The following MYT1L variants were observed in gnomAD, a reference collection of about 807,000 sequenced individuals.
The protein encoded by MYT1L is myelin transcription factor 1-like protein.
Under a neutral mutation model 126.7 loss-of-function variants are expected in MYT1L, and 12 were observed. That is an observed-to-expected ratio of 0.09 (90% CI 0.06 to 0.15). MYT1L has a LOEUF of 0.15. Among genes scored for constraint, MYT1L ranks in the 10% least tolerant of loss-of-function variants. The pLI is 1.00. For missense variants in MYT1L, 979 were observed against 1,585.2 expected, an observed-to-expected ratio of 0.62 and a Z score of 6.49; for synonymous variants, 541 against 604.2, an observed-to-expected ratio of 0.90 and a Z score of 1.53.
At position 1,831,238 on chromosome 2, in the gene MYT1L, T is replaced by C. The variant is rs576239214; in HGVS notation, c.3080+7911A>G. Among the ~76,000 whole-genome samples the C allele has an allele frequency of 4.5e-3, 652 of 145,178 alleles. 1 individual carries two copies. Among genetic ancestry groups the C allele is most frequent in the Middle Eastern group, 6.8e-3 (2 of 292 alleles). On this transcript the variant is annotated intron_variant, in intron 21 of 24. Coordinates refer to ENST00000647738, the MANE Select transcript of MYT1L (RefSeq NM_001303052.2). The stretch of plus-strand genomic sequence containing the variant: ...GCTCCCCCCAGATGGAGCTCTGCTC[T>C]GAGGACCCCCAGCTCCCCAGTGCAG...
At position 2,085,759 on chromosome 2, in the gene MYT1L, C is replaced by T. The variant is rs1433375352; in HGVS notation, c.-303-31636G>A. Among the ~76,000 whole-genome samples the T allele has an allele frequency of 3.3e-5, 5 of 152,186 alleles. No homozygotes were observed. In the East Asian group the frequency reaches 5.8e-4, roughly 18 times the overall value. ...TTTATGCCCTAGCTGGAGCCCAGAT[C>T]GTAAGATGCTGAAGCAGCTTGGCTT... On this transcript the variant is annotated intron_variant, in intron 3 of 24. Transcript: ENST00000647738.
intron 4 of MYT1L, among the ~76,000 whole-genome samples, chr2:2,022,324 C>G (rs934042701): frequency 5.9e-5 from 9 of 152,220 alleles, no homozygotes; most frequent in Non-Finnish European, 1.0e-4. Flanking sequence ...AGTGGTCTGA[C>G]AAGCTACAGT....
chr2:2,053,016 C>T (rs1306596503), intron 4 of MYT1L, among the ~76,000 whole-genome samples: 1 of 152,154 alleles, frequency 6.6e-6, no homozygotes, highest in Admixed American at 6.5e-5. Context: ...TTCACAGTAG[C>T]TGAAAGGTGG....
chr2:2,123,920 G>A (rs900058685), intron 3 of MYT1L, among the ~76,000 whole-genome samples: 1 of 152,150 alleles, frequency 6.6e-6, no homozygotes, highest in Non-Finnish European at 1.5e-5. Context: ...AGCGGCTGCC[G>A]CTGGACACTG....
rs2094063979 is a variant in MYT1L at position 2,228,184 on chromosome 2, G to A, written c.-420-55196C>T. On this transcript the variant is annotated intron_variant, in intron 2 of 24. Transcript: ENST00000647738. This position sits in a 1 kb window ranked among gnomAD's most constrained non-coding sequence, Gnocchi z 5.9. The stretch of plus-strand genomic sequence containing the variant: ...AATCATTACCTACATAAAAGACAGG[G>A]CAAGGGGGTGATTCTGTAATATACA... Among the ~76,000 whole-genome samples, 1 of 152,164 alleles carries A rather than the reference G, an allele frequency of 6.6e-6. No homozygotes were observed. Among genetic ancestry groups the A allele is most frequent in the South Asian group, 2.1e-4 (1 of 4,826 alleles).
intron 3 of MYT1L, among the ~76,000 whole-genome samples, chr2:2,165,972 G>GTAAAAAAATAAAATCTTTTA (rs1402327719): frequency 6.5e-5 from 7 of 108,180 alleles, no homozygotes; most frequent in Admixed American, 2.4e-4. Context: ...ACTTTGTAAA[G>GTAAAAAAATAAAATCTTTTA]TTTTAAAGTA....
In MYT1L at chr2:2,311,334, T is replaced by C. The variant is rs540568332; in HGVS notation, c.-521+19633A>G. 1.5e-4 allele frequency among the ~76,000 whole-genome samples: 23 copies of C among 152,362 alleles called. No homozygotes were observed. The East Asian group carries it at 2.5e-3, about 17-fold the overall frequency. On this transcript the variant is annotated intron_variant, in intron 1 of 24. Transcript: ENST00000647738. Reference sequence around the variant, plus strand: ...CTTGGATATTCTATGCTGATGTATCTAGACAAGGATGCAGCTGAGCGGCCT... The same window carrying C: ...CTTGGATATTCTATGCTGATGTATCCAGACAAGGATGCAGCTGAGCGGCCT...
At chr2:2,256,659 AAGC>A (rs1246257448) in intron 2 of MYT1L, among the ~76,000 whole-genome samples, 2 of 152,384 alleles carry the variant, frequency 1.3e-5, no homozygotes, top group Admixed American at 1.3e-4. Context: ...GCAGGACAAT[AAGC>A]AGCATTTGGG....
chr2:2,104,216 A>G (rs1040428974), intron 3 of MYT1L, among the ~76,000 whole-genome samples: 2 of 152,264 alleles, frequency 1.3e-5, no homozygotes, highest in East Asian at 1.9e-4. Flanking sequence ...AATGCATGAA[A>G]TAACAAGAAA....
intron 3 of MYT1L, among the ~76,000 whole-genome samples, chr2:2,097,542 T>TAC (rs2077574503): frequency 6.6e-6 from 1 of 152,190 alleles, no homozygotes; most frequent in Admixed American, 6.5e-5. Flanking sequence ...ACGGTTATTG[T>TAC]ACAGAGCTGT....
rs1426590534 is a variant in MYT1L, at chr2:2,059,963, G to C, written c.-303-5840C>G. On this transcript the variant is annotated intron_variant, in intron 3 of 24. Transcript: ENST00000647738. This position sits in a 1 kb window ranked among gnomAD's most constrained non-coding sequence, Gnocchi z 4.7. ...CCCAACCCCACCACGAGCTCGTCAG[G>C]GCAGGGGACAGAGCCCATTAGATTC... 6.6e-6 allele frequency among the ~76,000 whole-genome samples: 1 copy of C among 152,180 alleles called. No individual in the cohort carries two copies. The highest frequency in any genetic ancestry group is 1.5e-5 in the Non-Finnish European group (1 of 68,046).
At chr2:2,075,872 T>C (rs2075161570) in intron 3 of MYT1L, among the ~76,000 whole-genome samples, 1 of 152,248 alleles carries the variant, frequency 6.6e-6, no homozygotes, top group African/African-American at 2.4e-5. Flanking sequence ...CTTTTTAATT[T>C]GGGGCCATTC....
At chr2:2,096,123 T>A (rs1218200850) in intron 3 of MYT1L, among the ~76,000 whole-genome samples, 1 of 152,248 alleles carries the variant, frequency 6.6e-6, no homozygotes, top group Non-Finnish European at 1.5e-5. Flanking sequence ...ACAGCGAATA[T>A]TTAAAAAGTG....
At chr2:2,288,056 C>T (rs1343815316) in intron 1 of MYT1L, among the ~76,000 whole-genome samples, 2 of 152,084 alleles carry the variant, frequency 1.3e-5, no homozygotes, top group Non-Finnish European at 2.9e-5. Flanking sequence ...ATCATCTGGT[C>T]TCATTTCCTG....
At chr2:1,818,717 G>A (rs923609673) in intron 21 of MYT1L, among the ~76,000 whole-genome samples, 13 of 152,144 alleles carry the variant, frequency 8.5e-5, no homozygotes, top group Admixed American at 3.9e-4. Context: ...GGTGTTCTTG[G>A]AGCCACGTGA....
chr2:2,019,871 T>C (rs2064853278), intron 4 of MYT1L, among the ~76,000 whole-genome samples: 1 of 152,142 alleles, frequency 6.6e-6, no homozygotes, highest in African/African-American at 2.4e-5. Context: ...TTTTTTGATA[T>C]GGTATGCTCT....
intron 3 of MYT1L, among the ~76,000 whole-genome samples, chr2:2,126,124 A>G (rs1189807348): frequency 6.6e-6 from 1 of 152,062 alleles, no homozygotes; most frequent in African/African-American, 2.4e-5. Context: ...CAGATCTCCA[A>G]CTGTTCCACC....
intron 3 of MYT1L, among the ~76,000 whole-genome samples, chr2:2,169,337 G>A (rs1375543254): frequency 1.3e-5 from 2 of 152,106 alleles, no homozygotes; most frequent in East Asian, 3.9e-4. Context: ...CTGTAATAAT[G>A]TATTACCATG....
At chr2:2,048,741 T>C (rs1175905301) in intron 4 of MYT1L, among the ~76,000 whole-genome samples, 1 of 152,190 alleles carries the variant, frequency 6.6e-6, no homozygotes, top group Non-Finnish European at 1.5e-5. Context: ...CCACATATCC[T>C]ATTTTCCAAC....
Sources: allele counts gnomAD v4.1 joint callset (sites outside exome capture counted in the v4.1 genomes callset), GRCh38; gene constraint gnomAD v4.1.1; non-coding constraint Gnocchi (gnomAD v3.1); transcripts MANE v1.5; gene names NCBI Gene and HGNC (gene_info 2026-07-23, HGNC 2026-07-21).